Variants in ACOT11 observed in about 807,000 individuals in gnomAD.
ACOT11 encodes acyl-CoA thioesterase 11.
ACOT11 carries 69 observed loss-of-function variants against 77.5 expected under a neutral mutation model. The ratio of observed to expected loss-of-function variants is 0.89; its 90% CI spans 0.73 to 1.09. The LOEUF is 1.09. ACOT11 is among the 50% of genes least tolerant of loss of function. The probability of loss-of-function intolerance (pLI) is 0.00; values close to 1 mark genes in which losing one functional copy is unlikely to be tolerated. For synonymous variants in ACOT11, 279 were observed against 313.0 expected, an observed-to-expected ratio of 0.89 and a Z score of 1.15; for missense variants, 766 against 813.7, an observed-to-expected ratio of 0.94 and a Z score of 0.71.
At chr1:54,578,309 T>G (rs949823154) in intron 1 of ACOT11, among the ~76,000 whole-genome samples, 1 of 152,136 alleles carries the variant, frequency 6.6e-6, no homozygotes, top group Non-Finnish European at 1.5e-5. Flanking sequence ...AATGAGTGTC[T>G]CCAGTCTCTT....
intron 1 of ACOT11, among the ~76,000 whole-genome samples, chr1:54,563,959 G>T (rs932997125): frequency 3.2e-4 from 49 of 152,018 alleles, no homozygotes; most frequent in African/African-American, 1.1e-3. Context: ...CCAGCTACTC[G>T]GGAGGCTGAG....
chr1:54,550,242 G>C (rs573222767), intron 1 of ACOT11, among the ~76,000 whole-genome samples: 1 of 152,318 alleles, frequency 6.6e-6, no homozygotes, highest in African/African-American at 2.4e-5. Flanking sequence ...CTGACTCTGA[G>C]CCCAGCTGGC....
intron 1 of ACOT11, among the ~76,000 whole-genome samples, chr1:54,567,280 T>TC (rs1301353187): frequency 7.4e-6 from 1 of 135,666 alleles, no homozygotes; most frequent in Admixed American, 7.6e-5. Context: ...TTGACTTTTT[T>TC]CCTTTTTTTT....
At position 54,556,303 on chromosome 1, in the gene ACOT11, C is replaced by T. The variant is rs145891073; in HGVS notation, c.33+7961C>T. On this transcript the variant is annotated intron_variant, in intron 1 of 15. Coordinates refer to ENST00000343744, the MANE Select transcript of ACOT11 (RefSeq NM_147161.4). ...GTTAATGTAGCTTTGTAGTATATTT[C>T]GAAATCAGGTAGTACAGTATGATGC... 1.1e-4 allele frequency among the ~76,000 whole-genome samples: 17 copies of T among 152,234 alleles called. No homozygotes were observed. The East Asian group carries it at 1.2e-3, about 10-fold the overall frequency.
At chr1:54,628,596 C>T (rs1411580515) in intron 15 of ACOT11, among the ~76,000 whole-genome samples, 1 of 115,316 alleles carries the variant, frequency 8.7e-6, no homozygotes, top group Non-Finnish European at 1.9e-5. Context: ...CCCCATCGCC[C>T]CCCCCCCCCA....
At chr1:54,580,093 G>A (rs1015601659) in intron 1 of ACOT11, among the ~76,000 whole-genome samples, 1 of 152,186 alleles carries the variant, frequency 6.6e-6, no homozygotes, top group African/African-American at 2.4e-5. Context: ...TTGGAAGTGA[G>A]TATAATAATC....
chr1:54,595,510 C>G (rs530430530), intron 6 of ACOT11, among the ~76,000 whole-genome samples: 3 of 152,262 alleles, frequency 2.0e-5, no homozygotes, highest in African/African-American at 7.2e-5. Context: ...ATCCCAGAAT[C>G]CAGGTCGTCT....
intron 1 of ACOT11, among the ~76,000 whole-genome samples, chr1:54,548,814 CT>C (rs1569620904): frequency 6.6e-6 from 1 of 152,102 alleles, no homozygotes; most frequent in Non-Finnish European, 1.5e-5. Context: ...GGAGCAGAAC[CT>C]CTTGGGGAGA....
chr1:54,594,430 G>A (rs1008082786), intron 5 of ACOT11, 126 bp from the exon 6 acceptor site: 24 of 1,283,884 alleles, frequency 1.9e-5, no homozygotes, highest in Middle Eastern at 2.0e-4. Context: ...GGAAGCCTTG[G>A]AACTGAGCAG....
intron 15 of ACOT11, among the ~76,000 whole-genome samples, chr1:54,625,874 G>A (rs549494557): frequency 1.3e-5 from 2 of 150,656 alleles, no homozygotes; most frequent in Admixed American, 6.7e-5. Flanking sequence ...GGGAGGCGGA[G>A]GTTGCGGTGA....
chr1:54,566,009 A>G (rs1375237402), intron 1 of ACOT11, among the ~76,000 whole-genome samples: 1 of 152,004 alleles, frequency 6.6e-6, no homozygotes, highest in African/African-American at 2.4e-5. Context: ...AATCAGTGAT[A>G]GCTTGTTTCC....
chr1:54,607,475 G>A lies in ACOT11; in HGVS notation c.1502+210G>A, dbSNP rs1442882048. On this transcript the variant is annotated intron_variant, in intron 14 of 15. Transcript: ENST00000343744. This position sits in a 1 kb window ranked among gnomAD's most constrained non-coding sequence, Gnocchi z 4.5. Reference sequence around the variant, plus strand: ...AGGGGCACACATTTCCCCTCTTGTCGCATTCCCTAGAGCAGGGCCACCCTT... The same window carrying A: ...AGGGGCACACATTTCCCCTCTTGTCACATTCCCTAGAGCAGGGCCACCCTT... Among the ~76,000 whole-genome samples, 2 of 152,084 alleles carry A rather than the reference G, an allele frequency of 1.3e-5. No individual in the cohort carries two copies. Among genetic ancestry groups the A allele is most frequent in the Non-Finnish European group, 2.9e-5 (2 of 68,012 alleles).
intron 15 of ACOT11, chr1:54,619,903 C>G: frequency 6.2e-7 from 1 of 1,614,122 alleles, no homozygotes; most frequent in Non-Finnish European, 8.5e-7. Context: ...CTGTTGGCTG[C>G]GTGGTACCAG....
intron 16 of ACOT11, among the ~76,000 whole-genome samples, chr1:54,634,470 T>C (rs1368332594): frequency 6.6e-6 from 1 of 152,204 alleles, no homozygotes; most frequent in East Asian, 1.9e-4. Context: ...ATTCTTCATA[T>C]GTGGTTCATT....
intron 15 of ACOT11, among the ~76,000 whole-genome samples, chr1:54,624,721 C>G (rs1569810619): frequency 6.6e-6 from 1 of 152,000 alleles, no homozygotes; most frequent in African/African-American, 2.4e-5. Context: ...AGCAAGGCCC[C>G]CGATGCTGGC....
chr1:54,625,212 A>C (rs75228219), intron 15 of ACOT11, among the ~76,000 whole-genome samples: 1,516 of 85,140 alleles, frequency 0.018, 34 homozygotes, highest in African/African-American at 0.045. Flanking sequence ...GGAGAGAGGG[A>C]GATCTAGTCT....
Position 54,597,353 on chromosome 1 carries a change from G to A in ACOT11, c.702G>A (p.Gln234=), listed in dbSNP as rs1440077569. 2 of 1,613,826 alleles carry A rather than the reference G, an allele frequency of 1.2e-6. No individual in the cohort carries two copies. Among genetic ancestry groups the A allele is most frequent in the East Asian group, 2.2e-5 (1 of 44,878 alleles). Residue 234 remains glutamine, a synonymous_variant, in exon 7 of 16, where the codon CAG becomes CAA. Coordinates refer to ENST00000343744, the MANE Select transcript of ACOT11 (RefSeq NM_147161.4). ...ELVLPPHANH[Q]GNTFGGQIMA... is the part of the protein sequence containing the mutation. ...TCCTGCCTCCCCACGCCAATCACCA[G>A]GGCAACACCTTTGGGGGCCAGATCA...
At chr1:54,620,121 C>G in intron 15 of ACOT11, 1 of 1,142,416 alleles carries the variant, frequency 8.8e-7, no homozygotes, top group Non-Finnish European at 1.2e-6. Flanking sequence ...CCCCATCTGG[C>G]AGAGGGACGG....
chr1:54,564,739 C>T (rs1653675520), intron 1 of ACOT11, among the ~76,000 whole-genome samples: 2 of 152,188 alleles, frequency 1.3e-5, no homozygotes, highest in South Asian at 4.1e-4. Flanking sequence ...AAGACTCTGG[C>T]TGGTTCTTGA....
Sources: allele counts gnomAD v4.1 joint callset (sites outside exome capture counted in the v4.1 genomes callset), GRCh38; gene constraint gnomAD v4.1.1; non-coding constraint Gnocchi (gnomAD v3.1); transcripts MANE v1.5; gene names NCBI Gene and HGNC (gene_info 2026-07-23, HGNC 2026-07-21).